The following GABRA3 variants were observed in gnomAD, a reference collection of about 807,000 sequenced individuals.
GABRA3 encodes the protein gamma-aminobutyric acid receptor subunit alpha-3.
GABRA3 carries 10 observed loss-of-function variants against 30.1 expected under a neutral mutation model. That is an observed-to-expected ratio of 0.33 (90% CI 0.20 to 0.56). GABRA3 has a LOEUF of 0.56. Ranked by LOEUF, GABRA3 falls within the 20% of genes least tolerant of loss-of-function variation. The probability of loss-of-function intolerance (pLI) is 0.89; values close to 1 mark genes in which losing one functional copy is unlikely to be tolerated. For missense variants in GABRA3, 233 were observed against 392.0 expected, an observed-to-expected ratio of 0.59 and a Z score of 3.42; for synonymous variants, 151 against 146.8, an observed-to-expected ratio of 1.03 and a Z score of -0.21.
rs1052088261 is a variant in GABRA3, at chrX:152,408,399, G to A, written c.-27+42747C>T. Among the ~76,000 whole-genome samples, 3 of 111,294 alleles carry A rather than the reference G, an allele frequency of 2.7e-5. No individual in the cohort carries two copies. The Admixed American group carries it at 2.9e-4, about 11-fold the overall frequency. The stretch of plus-strand genomic sequence containing the variant: ...AAGTTGCCGGATACTAAATCATCAT[G>A]CAAAAATTAGTAGCATGTTTATATG... On this transcript the variant is annotated intron_variant, in intron 1 of 9. Coordinates refer to ENST00000370314, the MANE Select transcript of GABRA3 (RefSeq NM_000808.4).
At chrX:152,186,956 C>G (rs972272724) in intron 9 of GABRA3, 3 of 111,573 alleles carry the variant, frequency 2.7e-5, no homozygotes, top group Non-Finnish European at 3.8e-5. Context: ...TTATTAAAAT[C>G]TATGACATTT....
At chrX:152,429,053 T>C (rs747382752) in intron 1 of GABRA3, among the ~76,000 whole-genome samples, 19 of 110,992 alleles carry the variant, frequency 1.7e-4, no homozygotes, top group Admixed American at 3.8e-4. Context: ...AAGCAGAAGA[T>C]TGGAGATTAA....
chrX:152,224,078 C>G (rs181582184), intron 6 of GABRA3, among the ~76,000 whole-genome samples: 1 of 111,446 alleles, frequency 9.0e-6, no homozygotes, highest in Admixed American at 9.6e-5. Flanking sequence ...CTTTCTGTTT[C>G]AAAACACAGC....
At chrX:152,214,085 A>G (rs1937672501) in intron 6 of GABRA3, among the ~76,000 whole-genome samples, 1 of 110,026 alleles carries the variant, frequency 9.1e-6, no homozygotes, top group South Asian at 3.8e-4. Context: ...ATACCCTCTC[A>G]CCTTTTGGAA....
At chrX:152,418,552 A>G (rs1355642331) in intron 1 of GABRA3, among the ~76,000 whole-genome samples, 2 of 112,044 alleles carry the variant, frequency 1.8e-5, no homozygotes, top group Non-Finnish European at 3.8e-5. Context: ...ATAGGCTTAG[A>G]TACATGTATT....
rs755028886 is a variant in GABRA3 at position 152,351,021 on chromosome X, G to A, written c.141-5319C>T. Among the ~76,000 whole-genome samples, 6 of 111,650 alleles carry A rather than the reference G, an allele frequency of 5.4e-5. 1 individual carries two copies. Among genetic ancestry groups the A allele is most frequent in the East Asian group, 2.8e-4 (1 of 3,519 alleles). ...CTGCAACCGTGTGCTTAAAATATTC[G>A]GTAAACCGTGCTATAAACAGATGTG... On this transcript the variant is annotated intron_variant, in intron 2 of 9. Transcript: ENST00000370314.
chrX:152,245,093 G>A (rs1256884896), intron 5 of GABRA3, among the ~76,000 whole-genome samples: 1 of 94,805 alleles, frequency 1.1e-5, no homozygotes, highest in Non-Finnish European at 2.1e-5. Context: ...CTGTGTTTAA[G>A]TATAATGTAG....
chrX:152,284,286 C>G (rs1266723590), intron 4 of GABRA3, among the ~76,000 whole-genome samples: 1 of 111,636 alleles, frequency 9.0e-6, no homozygotes, highest in African/African-American at 3.3e-5. Flanking sequence ...ATGACACCAC[C>G]AGCTGCTTTA....
chrX:152,182,072 TGA>T (rs1937156649), intron 9 of GABRA3, among the ~76,000 whole-genome samples: 1 of 109,915 alleles, frequency 9.1e-6, no homozygotes, highest in Non-Finnish European at 1.9e-5. Context: ...TGTAATTAGT[TGA>T]GAGGTTTTTT....
chrX:152,291,255 G>A (rs1569385122), intron 3 of GABRA3, among the ~76,000 whole-genome samples: 2 of 111,400 alleles, frequency 1.8e-5, no homozygotes, highest in Non-Finnish European at 3.8e-5. Flanking sequence ...GGATTCCTAG[G>A]TATTTTATTC....
At chrX:152,402,825 A>G (rs1288924701) in intron 1 of GABRA3, among the ~76,000 whole-genome samples, 1 of 112,303 alleles carries the variant, frequency 8.9e-6, no homozygotes, top group Admixed American at 9.5e-5. Flanking sequence ...AGACAAAAAC[A>G]TAACTAACAT....
chrX:152,403,773 T>A (rs920730852), intron 1 of GABRA3, among the ~76,000 whole-genome samples: 1 of 110,173 alleles, frequency 9.1e-6, no homozygotes, highest in African/African-American at 3.3e-5. Context: ...CAGAAAGCAA[T>A]GATTAAGAGA....
chrX:152,359,595 C>G (rs904710261), intron 2 of GABRA3, among the ~76,000 whole-genome samples: 1 of 110,480 alleles, frequency 9.1e-6, no homozygotes, highest in Admixed American at 9.7e-5. Context: ...CTTTTGCTAG[C>G]TTTGGGGTTG....
Position 152,318,516 on chromosome X carries a change from T to C in GABRA3, c.262+27065A>G, listed in dbSNP as rs143391994. ...CTAATACAAAAACCAGAAGAGGACA[T>C]AACAAAAAAAGAAAACTACAGACCA... is the stretch of plus-strand genomic sequence containing the variant. On this transcript the variant is annotated intron_variant, in intron 3 of 9. Coordinates refer to ENST00000370314, the MANE Select transcript of GABRA3 (RefSeq NM_000808.4). Among the ~76,000 whole-genome samples, 45 of 110,229 alleles carry C rather than the reference T, an allele frequency of 4.1e-4. No homozygotes were observed. In the East Asian group the frequency reaches 0.013, roughly 31 times the overall value.
chrX:152,193,795 G>A (rs182038795), intron 8 of GABRA3, among the ~76,000 whole-genome samples: 5,715 of 110,974 alleles, frequency 0.051, 201 homozygotes, highest in Admixed American at 0.17. Context: ...TCAGGAGTTT[G>A]AGACCAGCCT....
chrX:152,269,484 G>A (rs1175661454), intron 4 of GABRA3, among the ~76,000 whole-genome samples: 1 of 111,468 alleles, frequency 9.0e-6, no homozygotes, highest in Admixed American at 9.5e-5. Context: ...AAGAAAAGAC[G>A]AATCCTAAAA....
chrX:152,294,643 T>C (rs959976887), intron 3 of GABRA3, among the ~76,000 whole-genome samples: 23 of 111,629 alleles, frequency 2.1e-4, no homozygotes, highest in Non-Finnish European at 3.4e-4. Flanking sequence ...CTCGTCAAAG[T>C]CATTCTCCAT....
intron 3 of GABRA3, among the ~76,000 whole-genome samples, chrX:152,330,074 T>C (rs938149797): frequency 1.8e-5 from 2 of 111,935 alleles, no homozygotes; most frequent in Non-Finnish European, 3.8e-5. Context: ...AATACATTAA[T>C]ACAACCAACA....
At position 152,256,031 on chromosome X, in the gene GABRA3, G is replaced by A. The variant is rs140600276; in HGVS notation, c.331-33C>T. On this transcript the variant is annotated intron_variant, in intron 4 of 9. Coordinates refer to ENST00000370314, the MANE Select transcript of GABRA3 (RefSeq NM_000808.4). ...TGAAAAGAGAGAAAACAATGTTTCA[G>A]TTGAGTTCTGGTAAGGGCTCATAGT... 423 of 1,069,160 alleles carry A rather than the reference G, an allele frequency of 4.0e-4. 1 individual carries two copies. In the African/African-American group the frequency reaches 6.9e-3, roughly 17 times the overall value. The allele number at this position is 1,069,160 out of a possible 1,213,427, so 88.1% of individuals were successfully genotyped here. A position where few individuals can be genotyped will look rare whatever the true frequency, so the allele number is the denominator to read the frequency against.
Sources: gnomAD v4.1 joint callset for allele counts (sites outside exome capture counted in the v4.1 genomes callset) on GRCh38, gnomAD v4.1.1 for gene constraint, MANE v1.5 for transcripts, NCBI Gene and HGNC (gene_info 2026-07-23, HGNC 2026-07-21) for gene names.